The following PPFIA2 variants were observed in gnomAD, a reference collection of about 807,000 sequenced individuals.
PPFIA2 encodes the protein liprin-alpha-2.
In PPFIA2, 46 loss-of-function variants were observed where a neutral mutation model predicts 175.5. The observed-to-expected ratio is 0.26, with a 90% CI of 0.21 to 0.34. The LOEUF is 0.34. PPFIA2 is among the 10% of genes least tolerant of loss of function. The pLI is 1.00. For synonymous variants in PPFIA2, 568 were observed against 511.4 expected (o/e 1.11, Z -1.49); for missense variants, 1,179 against 1,506.1 (o/e 0.78, Z 3.60).
At chr12:81,376,852 C>A (rs1351371853) in intron 9 of PPFIA2, among the ~76,000 whole-genome samples, 1 of 152,088 alleles carries the variant, frequency 6.6e-6, no homozygotes, top group Non-Finnish European at 1.5e-5. Context: ...ATCATTTCAT[C>A]ACTTATTCTT....
At chr12:81,395,597 C>A (rs1337497527) in intron 8 of PPFIA2, among the ~76,000 whole-genome samples, 18 of 151,954 alleles carry the variant, frequency 1.2e-4, no homozygotes, top group Admixed American at 1.2e-3. Flanking sequence ...GAAAACACTT[C>A]TTTCCACAAG....
rs1451439422 is a variant in PPFIA2 at position 81,702,128 on chromosome 12, C to CACAGAGTGTCCATAGT, written c.250-25285_250-25284insACTATGGACACTCTGT. 4.9e-4 allele frequency among the ~76,000 whole-genome samples: 74 copies of CACAGAGTGTCCATAGT among 152,074 alleles called. 1 individual carries two copies. Among genetic ancestry groups the CACAGAGTGTCCATAGT allele is most frequent in the Non-Finnish European group, 9.1e-4 (62 of 68,004 alleles). On this transcript the variant is annotated intron_variant, in intron 3 of 32. Transcript: ENST00000549396. ...AGAAAAACAGGGCAGCCAGCAAACA[C>CACAGAGTGTCCATAGT]CCAGGGCATAAGTTCTCATTCTGAG...
chr12:81,686,441 T>C (rs1441463172), intron 3 of PPFIA2, among the ~76,000 whole-genome samples: 1 of 152,106 alleles, frequency 6.6e-6, no homozygotes, highest in Non-Finnish European at 1.5e-5. Flanking sequence ...TGCCAGAGAT[T>C]CAGGTTCTAC....
At chr12:81,286,055 G>T (rs372837379) in intron 24 of PPFIA2, among the ~76,000 whole-genome samples, 1 of 151,906 alleles carries the variant, frequency 6.6e-6, no homozygotes, top group Non-Finnish European at 1.5e-5. Flanking sequence ...TTTTGTGTTT[G>T]TGTCTTAGTT....
intron 32 of PPFIA2, chr12:81,259,925 C>A (rs2034810395): frequency 3.2e-6 from 1 of 316,310 alleles, no homozygotes; most frequent in Non-Finnish European, 5.7e-6. Context: ...GGTAGTTATG[C>A]AAAATGTTAG....
At chr12:81,676,474 A>ATAC (rs1207176284) in intron 4 of PPFIA2, among the ~76,000 whole-genome samples, 1 of 152,010 alleles carries the variant, frequency 6.6e-6, no homozygotes, top group Non-Finnish European at 1.5e-5. Context: ...TGCAACCCAA[A>ATAC]TACTATACTC....
intron 4 of PPFIA2, among the ~76,000 whole-genome samples, chr12:81,508,291 G>A (rs1161738915): frequency 6.6e-6 from 1 of 151,990 alleles, no homozygotes; most frequent in African/African-American, 2.4e-5. Flanking sequence ...GGAGGCCGAG[G>A]TGGGTGGATC....
chr12:81,683,128 C>A (rs1472968111), intron 3 of PPFIA2, among the ~76,000 whole-genome samples: 2 of 152,030 alleles, frequency 1.3e-5, no homozygotes, highest in South Asian at 4.1e-4. Flanking sequence ...TTGATTCCAT[C>A]ACAACTCTTC....
intron 4 of PPFIA2, among the ~76,000 whole-genome samples, chr12:81,657,200 T>C (rs546349086): frequency 2.0e-5 from 3 of 152,336 alleles, no homozygotes; most frequent in African/African-American, 4.8e-5. Context: ...GGAAGGTTAA[T>C]GCTGCCGCCA....
intron 4 of PPFIA2, among the ~76,000 whole-genome samples, chr12:81,508,758 TC>T (rs1445013866): frequency 1.4e-5 from 1 of 71,590 alleles, no homozygotes; most frequent in Non-Finnish European, 2.7e-5. Context: ...ATGCTATCCC[TC>T]CCCCCTCCCC....
At chr12:81,713,253 T>G (rs2078184062) in intron 3 of PPFIA2, among the ~76,000 whole-genome samples, 1 of 151,138 alleles carries the variant, frequency 6.6e-6, no homozygotes, top group African/African-American at 2.4e-5. Context: ...AGGCTGGTAC[T>G]ATTTGTATTC....
intron 3 of PPFIA2, among the ~76,000 whole-genome samples, chr12:81,686,667 C>T (rs1161015246): frequency 6.6e-6 from 1 of 152,070 alleles, no homozygotes; most frequent in Non-Finnish European, 1.5e-5. Context: ...GGCCAACCGC[C>T]AATTTCCTAT....
rs779970808 is a variant in PPFIA2, at chr12:81,341,094, G to C, written c.2377C>G (p.His793Asp). 1 of 1,610,394 alleles carries C rather than the reference G, an allele frequency of 6.2e-7. No individual in the cohort carries two copies. The highest frequency in any genetic ancestry group is 8.5e-7 in the Non-Finnish European group (1 of 1,177,128). ...GAGTCTTACCTTCGAGCATCATTGT[G>C]GTAGGAAGAAGGGAGAGTGTGAGTC... ...RMTHTLPSSYHNDARSSLSVS... is the reference protein window; with the variant it reads ...RMTHTLPSSYDNDARSSLSVS... Residue 793 changes from histidine (H) to aspartate (D), a missense_variant, in exon 20 of 33, where the codon CAC becomes GAC. His to Asp is a moderately conservative substitution (Grantham distance 81). Around this residue, in one of 10 missense-constraint regions of PPFIA2, gnomAD observed 223 missense variants for 241.6 expected, o/e 0.92. Transcript: ENST00000549396.
chr12:81,326,955 T>A (rs1165233739), intron 21 of PPFIA2, among the ~76,000 whole-genome samples: 3 of 152,134 alleles, frequency 2.0e-5, no homozygotes, highest in Admixed American at 2.0e-4. Flanking sequence ...CTCATTGTAG[T>A]GGACACTTCC....
chr12:81,413,037 T>A (rs1027712799), intron 7 of PPFIA2, among the ~76,000 whole-genome samples: 1 of 151,868 alleles, frequency 6.6e-6, no homozygotes, highest in Non-Finnish European at 1.5e-5. Flanking sequence ...GGGGACAATA[T>A]CTTCCCAAGG....
intron 4 of PPFIA2, among the ~76,000 whole-genome samples, chr12:81,609,932 A>G (rs1200885489): frequency 6.6e-6 from 1 of 152,134 alleles, no homozygotes; most frequent in Non-Finnish European, 1.5e-5. Context: ...TTCTAAGTTT[A>G]GCACTCCTTT....
intron 4 of PPFIA2, among the ~76,000 whole-genome samples, chr12:81,566,927 G>A (rs1287660028): frequency 3.9e-5 from 6 of 152,252 alleles, no homozygotes; most frequent in African/African-American, 1.2e-4. Context: ...AATGTTTTAT[G>A]GTATAAGTTT....
chr12:81,553,183 A>C (rs1390084924), intron 4 of PPFIA2, among the ~76,000 whole-genome samples: 4 of 152,002 alleles, frequency 2.6e-5, no homozygotes, highest in African/African-American at 7.2e-5. Context: ...AGGTTTGAAG[A>C]ATGAATAGGA....
rs1015511944 is a variant in PPFIA2 at position 81,718,997 on chromosome 12, C to A, written c.249+34976G>T. Among the ~76,000 whole-genome samples, 3 of 151,602 alleles carry A rather than the reference C, an allele frequency of 2.0e-5. No individual in the cohort carries two copies. The Admixed American group carries it at 2.0e-4, about 10-fold the overall frequency. On this transcript the variant is annotated intron_variant, in intron 3 of 32. Coordinates refer to ENST00000549396, the MANE Select transcript of PPFIA2 (RefSeq NM_003625.5). ...ACTATAGCTCCATAAATTGTTATTT[C>A]CACCAAATCCAATGCAAAATATTTT...
Sources: allele counts gnomAD v4.1 joint callset (sites outside exome capture counted in the v4.1 genomes callset), GRCh38; gene constraint gnomAD v4.1.1; regional missense constraint gnomAD v4.1.1; transcripts MANE v1.5; gene names NCBI Gene and HGNC (gene_info 2026-07-23, HGNC 2026-07-21).